Variants in S100P observed in about 807,000 individuals in gnomAD.
S100P encodes the protein S100 calcium binding protein P.
A neutral mutation model predicts 4.7 loss-of-function variants in S100P; 7 were observed. The observed-to-expected ratio is 1.48, with a 90% CI of 0.84 to 2.77. The LOEUF is 2.77. S100P is among the 30% of genes most tolerant of loss of function. The pLI is 0.00. For missense variants in S100P, 122 were observed against 120.6 expected (o/e 1.01, Z -0.06); for synonymous variants, 48 against 49.0 (o/e 0.98, Z 0.08).
At chr4:6,696,837 GC>G in intron 1 of S100P, 55 bp from the exon 2 acceptor site, 1 of 1,548,912 alleles carries the variant, frequency 6.5e-7, no homozygotes, top group Non-Finnish European at 8.8e-7. Flanking sequence ...CTTGGTGGAG[GC>G]TGAGGCCCTG....
chr4:6,696,817 A>G (rs1714382539), intron 1 of S100P, 76 bp from the exon 2 acceptor site: 1 of 1,448,870 alleles, frequency 6.9e-7, no homozygotes, highest in African/African-American at 1.4e-5. Context: ...GCTCCTGCCC[A>G]GCAGCAGTGC....
At position 6,695,195 on chromosome 4, in the gene S100P, T is replaced by G. The variant is rs117037450; in HGVS notation, c.138+1125T>G. Among the ~76,000 whole-genome samples, 5 of 152,268 alleles carry G rather than the reference T, an allele frequency of 3.3e-5. No individual in the cohort carries two copies. The East Asian group carries it at 9.7e-4, about 29-fold the overall frequency. ...TGCCCAGGCTGGTCTCAAACTCCTG[T>G]GCTCAGGCAATGCGTCAGCCTCGAC... On this transcript the variant is annotated intron_variant, in intron 1 of 1. Coordinates refer to ENST00000296370, the MANE Select transcript of S100P (RefSeq NM_005980.3).
Sources: allele counts gnomAD v4.1 joint callset (sites outside exome capture counted in the v4.1 genomes callset), GRCh38; gene constraint gnomAD v4.1.1; transcripts MANE v1.5; gene names NCBI Gene and HGNC (gene_info 2026-07-23, HGNC 2026-07-21).